Variants in FMNL2 observed in about 807,000 individuals in gnomAD.
The protein encoded by FMNL2 is formin-like protein 2.
Under a neutral mutation model 130.2 loss-of-function variants are expected in FMNL2, and 51 were observed. That is an observed-to-expected ratio of 0.39 (90% CI 0.31 to 0.49). The LOEUF (loss-of-function observed/expected upper bound fraction) is 0.49, where lower values mean the gene tolerates loss of function less well. Ranked by LOEUF, FMNL2 falls within the 20% of genes least tolerant of loss-of-function variation. The pLI, the probability that FMNL2 is intolerant of heterozygous loss-of-function variation, is 0.85. For synonymous variants in FMNL2, 465 were observed against 467.1 expected, an observed-to-expected ratio of 1.00 and a Z score of 0.06; for missense variants, 977 against 1,316.2, an observed-to-expected ratio of 0.74 and a Z score of 3.99.
At chr2:152,472,144 C>T (rs1689894414) in intron 1 of FMNL2, among the ~76,000 whole-genome samples, 1 of 152,186 alleles carries the variant, frequency 6.6e-6, no homozygotes, top group Non-Finnish European at 1.5e-5. Context: ...AGTCTTTCTA[C>T]ATTATAATAG....
chr2:152,639,833 T>G, intron 23 of FMNL2, 125 bp from the exon 24 acceptor site: 1 of 785,178 alleles, frequency 1.3e-6, no homozygotes, highest in Non-Finnish European at 2.0e-6. Context: ...AAAGTGTAGA[T>G]CTTCTCAACC....
chr2:152,393,495 A>G (rs963095745), intron 1 of FMNL2, among the ~76,000 whole-genome samples: 4 of 152,184 alleles, frequency 2.6e-5, no homozygotes, highest in African/African-American at 9.6e-5. Flanking sequence ...AAAAGGGTAA[A>G]ACATATTTAG....
chr2:152,589,971 A>ATGTATG (rs1353811947), intron 9 of FMNL2, among the ~76,000 whole-genome samples: 2 of 48,342 alleles, frequency 4.1e-5, no homozygotes, highest in Non-Finnish European at 8.1e-5. Context: ...ATATATATAT[A>ATGTATG]TATATATATA....
At chr2:152,546,756 T>C (rs942637401) in intron 3 of FMNL2, among the ~76,000 whole-genome samples, 1 of 152,176 alleles carries the variant, frequency 6.6e-6, no homozygotes, top group Admixed American at 6.5e-5. Flanking sequence ...TGGAAATGGT[T>C]GCCTTAGCTG....
At chr2:152,385,118 T>C (rs930130682) in intron 1 of FMNL2, among the ~76,000 whole-genome samples, 1 of 152,248 alleles carries the variant, frequency 6.6e-6, no homozygotes, top group Non-Finnish European at 1.5e-5. Flanking sequence ...GTGGGATTGC[T>C]CCTGTATTCT....
At chr2:152,556,124 G>A (rs1257445749) in intron 4 of FMNL2, among the ~76,000 whole-genome samples, 1 of 152,184 alleles carries the variant, frequency 6.6e-6, no homozygotes, top group East Asian at 1.9e-4. Flanking sequence ...AGTCAAGAAG[G>A]GGTAGGGACT....
intron 1 of FMNL2, among the ~76,000 whole-genome samples, chr2:152,393,955 A>G (rs1053836086): frequency 7.2e-5 from 11 of 152,150 alleles, no homozygotes; most frequent in African/African-American, 2.4e-4. Context: ...TTTTTTAGCC[A>G]TTTAAAAATG....
chr2:152,371,659 ACT>A (rs1683888879), intron 1 of FMNL2, among the ~76,000 whole-genome samples: 1 of 132,738 alleles, frequency 7.5e-6, no homozygotes, highest in African/African-American at 2.8e-5. Flanking sequence ...ACAGAGTGAG[ACT>A]CTGTCTCAAA....
At chr2:152,409,359 A>C (rs1345151984) in intron 1 of FMNL2, among the ~76,000 whole-genome samples, 2 of 152,108 alleles carry the variant, frequency 1.3e-5, no homozygotes, top group Non-Finnish European at 2.9e-5. Flanking sequence ...TTTTTTGGTG[A>C]GGATATGGAG....
chr2:152,489,283 G>A (rs1457146015), intron 1 of FMNL2, among the ~76,000 whole-genome samples: 1 of 152,252 alleles, frequency 6.6e-6, no homozygotes. Flanking sequence ...ACCTATAACA[G>A]GAAGGAAATA....
chr2:152,607,313 A>G (rs369125938), intron 9 of FMNL2, 26 bp from the exon 10 acceptor site: 62 of 1,603,440 alleles, frequency 3.9e-5, no homozygotes, highest in Non-Finnish European at 5.1e-5. Context: ...AGAAAGTCAC[A>G]TGCACAATGA....
At chr2:152,549,856 T>G (rs978423856) in intron 4 of FMNL2, among the ~76,000 whole-genome samples, 3 of 152,216 alleles carry the variant, frequency 2.0e-5, no homozygotes, top group African/African-American at 7.2e-5. Context: ...TGCGTAACAT[T>G]GGGCAAGCTA....
chr2:152,432,196 T>G (rs1020693416), intron 1 of FMNL2, among the ~76,000 whole-genome samples: 1 of 151,938 alleles, frequency 6.6e-6, no homozygotes, highest in Admixed American at 6.6e-5. Flanking sequence ...AATAGGGGAC[T>G]GGTGGTTGGT....
intron 1 of FMNL2, among the ~76,000 whole-genome samples, chr2:152,394,369 A>T (rs1244709799): frequency 6.6e-6 from 1 of 152,114 alleles, no homozygotes; most frequent in Non-Finnish European, 1.5e-5. Context: ...GTTGCTTTTG[A>T]ATCCTCCTGG....
intron 1 of FMNL2, among the ~76,000 whole-genome samples, chr2:152,496,471 A>AT (rs1479031833): frequency 6.6e-6 from 1 of 152,008 alleles, no homozygotes; most frequent in East Asian, 1.9e-4. Flanking sequence ...TAAAGCTATG[A>AT]TTTTTCTCTT....
intron 1 of FMNL2, among the ~76,000 whole-genome samples, chr2:152,512,850 C>T (rs1692561390): frequency 6.6e-6 from 1 of 152,140 alleles, no homozygotes; most frequent in Non-Finnish European, 1.5e-5. Flanking sequence ...TCTAAGAAAA[C>T]TATAGTCAGG....
At chr2:152,525,109 C>T (rs565051812) in intron 2 of FMNL2, among the ~76,000 whole-genome samples, 7 of 152,238 alleles carry the variant, frequency 4.6e-5, no homozygotes, top group South Asian at 4.1e-4. Flanking sequence ...GATAGTGAAA[C>T]GAGAACATCT....
At chr2:152,428,433 T>C (rs1409382778) in intron 1 of FMNL2, among the ~76,000 whole-genome samples, 1 of 152,226 alleles carries the variant, frequency 6.6e-6, no homozygotes, top group Non-Finnish European at 1.5e-5. Context: ...CATAGAAATA[T>C]GGGTTATTGC....
intron 1 of FMNL2, among the ~76,000 whole-genome samples, chr2:152,357,119 T>C (rs1682861352): frequency 7.6e-6 from 1 of 132,324 alleles, no homozygotes; most frequent in African/African-American, 3.0e-5. Context: ...ACGATAAATA[T>C]TACATCAGTT....
Sources: allele counts gnomAD v4.1 joint callset (sites outside exome capture counted in the v4.1 genomes callset), GRCh38; gene constraint gnomAD v4.1.1; transcripts MANE v1.5; gene names NCBI Gene and HGNC (gene_info 2026-07-23, HGNC 2026-07-21).